Variants in IGSF11 observed in about 807,000 individuals in gnomAD.
IGSF11 encodes immunoglobulin superfamily member 11.
Under a neutral mutation model 41.0 loss-of-function variants are expected in IGSF11, and 22 were observed. The ratio of observed to expected loss-of-function variants is 0.54; its 90% CI spans 0.38 to 0.77. IGSF11 has a LOEUF of 0.77. IGSF11 is among the 30% of genes least tolerant of loss of function. IGSF11 has a pLI of 0.00. For synonymous variants in IGSF11, 219 were observed against 201.3 expected (o/e 1.09, Z -0.74); for missense variants, 444 against 530.8 (o/e 0.84, Z 1.61).
intron 1 of IGSF11, among the ~76,000 whole-genome samples, chr3:119,033,768 AAAAC>A (rs1262314349): frequency 6.6e-6 from 1 of 152,244 alleles, no homozygotes; most frequent in African/African-American, 2.4e-5. Flanking sequence ...TGCACACACA[AAAAC>A]AAACAGCACT....
upstream of IGSF11, among the ~76,000 whole-genome samples, chr3:119,039,468 G>T (rs1320520637): frequency 2.0e-5 from 3 of 152,160 alleles, no homozygotes; most frequent in African/African-American, 7.2e-5. Context: ...AATCCAGAAT[G>T]ACCTCATTTC....
chr3:119,145,551 A>C (rs2077711133), intron 1 of IGSF11, among the ~76,000 whole-genome samples: 1 of 152,114 alleles, frequency 6.6e-6, no homozygotes, highest in Admixed American at 6.5e-5. Flanking sequence ...CTCTGCTGTA[A>C]GACCACTAGA....
At chr3:119,116,916 T>C (rs2077263684) in intron 1 of IGSF11, among the ~76,000 whole-genome samples, 1 of 151,928 alleles carries the variant, frequency 6.6e-6, no homozygotes, top group African/African-American at 2.4e-5. Flanking sequence ...GGAGGAAAGC[T>C]TTGACCCCCA....
upstream of IGSF11, among the ~76,000 whole-genome samples, chr3:119,036,738 T>C (rs767382633): frequency 8.5e-5 from 13 of 152,100 alleles, no homozygotes; most frequent in African/African-American, 1.2e-4. Context: ...TAAGTTCCAA[T>C]TGCATATGGG....
chr3:119,017,886 G>C (rs893511171), intron 1 of IGSF11, among the ~76,000 whole-genome samples: 1 of 150,114 alleles, frequency 6.7e-6, no homozygotes, highest in Admixed American at 6.7e-5. Flanking sequence ...GGGTTCAGGC[G>C]GTTCTCCTGC....
chr3:118,955,353 G>A (rs964935770), intron 1 of IGSF11, among the ~76,000 whole-genome samples: 1 of 152,046 alleles, frequency 6.6e-6, no homozygotes, highest in African/African-American at 2.4e-5. Flanking sequence ...TATTCTAAGT[G>A]AAGTAACTCA....
intron 1 of IGSF11, among the ~76,000 whole-genome samples, chr3:119,016,497 T>G (rs948230906): frequency 1.3e-5 from 2 of 152,228 alleles, no homozygotes; most frequent in Non-Finnish European, 2.9e-5. Flanking sequence ...TATAGGATTA[T>G]TGACTATGCA....
chr3:119,064,060 G>C (rs1003354179), intron 1 of IGSF11, among the ~76,000 whole-genome samples: 3 of 152,162 alleles, frequency 2.0e-5, no homozygotes, highest in African/African-American at 7.2e-5. Flanking sequence ...AAAGGAGGAA[G>C]GGGACTCTGA....
At chr3:118,931,022 A>T (rs945534575) in intron 1 of IGSF11, among the ~76,000 whole-genome samples, 1 of 152,232 alleles carries the variant, frequency 6.6e-6, no homozygotes, top group African/African-American at 2.4e-5. Context: ...TTTTAAGGAT[A>T]GACATATAGA....
chr3:119,008,953 C>G (rs184900676), intron 1 of IGSF11, among the ~76,000 whole-genome samples: 1 of 152,280 alleles, frequency 6.6e-6, no homozygotes, highest in African/African-American at 2.4e-5. Flanking sequence ...TAAGCAGCTT[C>G]CAGCCTTCAG....
In IGSF11 at chr3:118,902,465, C is replaced by CCA; in HGVS notation, c.*54_*55insTG. On this transcript the variant is annotated 3_prime_UTR_variant, in exon 7 of 7. Coordinates refer to ENST00000393775, the MANE Select transcript of IGSF11 (RefSeq NM_001015887.3). ...CCAGCACTCCCCACCCCACCCTCCC[C>CCA]CTTGTATGAGGGCATTCCATTTATT... 1 of 823,846 alleles carries CCA rather than the reference C, an allele frequency of 1.2e-6. No homozygotes were observed. Among genetic ancestry groups the CCA allele is most frequent in the Non-Finnish European group, 2.0e-6 (1 of 495,906 alleles). The allele number at this position is 823,846 out of a possible 1,614,324, so 51.0% of individuals were successfully genotyped here.
intron 1 of IGSF11, among the ~76,000 whole-genome samples, chr3:119,143,118 G>T (rs759623785): frequency 6.6e-5 from 10 of 152,054 alleles, no homozygotes; most frequent in Non-Finnish European, 1.2e-4. Flanking sequence ...AGAAATGAAA[G>T]ATATAGTAAC....
chr3:119,016,560 C>A (rs552876694), intron 1 of IGSF11, among the ~76,000 whole-genome samples: 1 of 152,240 alleles, frequency 6.6e-6, no homozygotes, highest in South Asian at 2.1e-4. Flanking sequence ...AGATTATATG[C>A]ATAACAGAGC....
intron 1 of IGSF11, among the ~76,000 whole-genome samples, chr3:119,001,769 G>A (rs994070450): frequency 1.5e-4 from 23 of 149,540 alleles, no homozygotes; most frequent in Non-Finnish European, 3.4e-4. Context: ...ATGGTTTCCA[G>A]TTTCATCCAT....
chr3:119,084,174 A>AT (rs1358724709), intron 1 of IGSF11, among the ~76,000 whole-genome samples: 1 of 152,114 alleles, frequency 6.6e-6, no homozygotes, highest in Non-Finnish European at 1.5e-5. Context: ...AAAGACAAGG[A>AT]TTTTGTCTAA....
intron 1 of IGSF11, among the ~76,000 whole-genome samples, chr3:119,097,070 A>T (rs1394095167): frequency 2.6e-5 from 4 of 152,108 alleles, no homozygotes; most frequent in Non-Finnish European, 2.9e-5. Context: ...ATCCAGGATA[A>T]TCTCCTATTT....
Position 119,074,042 on chromosome 3 carries a change from A to G in IGSF11, c.49+31102T>C, listed in dbSNP as rs972729136. ...CAAGCTCTTAGAGACCTGCAAATAG[A>G]CTTAGATAACCACACAGTAATAGTG... On this transcript the variant is annotated intron_variant, in intron 1 of 6. Coordinates refer to the IGSF11 transcript ENST00000354673. Among the ~76,000 whole-genome samples, 12 of 152,314 alleles carry G rather than the reference A, an allele frequency of 7.9e-5. No homozygotes were observed. The South Asian group carries it at 1.0e-3, about 13-fold the overall frequency.
At chr3:119,057,208 G>A (rs1941877385) in intron 1 of IGSF11, among the ~76,000 whole-genome samples, 1 of 152,194 alleles carries the variant, frequency 6.6e-6, no homozygotes, top group South Asian at 2.1e-4. Flanking sequence ...CGACATGACT[G>A]TATATCTAGA....
At chr3:119,025,764 G>A (rs890527945) in intron 1 of IGSF11, among the ~76,000 whole-genome samples, 6 of 151,822 alleles carry the variant, frequency 4.0e-5, no homozygotes, top group African/African-American at 1.5e-4. Context: ...CCAAACAATT[G>A]CACTTTGGGC....
Sources: allele counts gnomAD v4.1 joint callset (sites outside exome capture counted in the v4.1 genomes callset), GRCh38; gene constraint gnomAD v4.1.1; transcripts MANE v1.5; gene names NCBI Gene and HGNC (gene_info 2026-07-23, HGNC 2026-07-21).